Variants in TMEM38B observed in about 807,000 individuals in gnomAD.
The protein encoded by TMEM38B is trimeric intracellular cation channel type B.
A neutral mutation model predicts 28.7 loss-of-function variants in TMEM38B; 24 were observed. The ratio of observed to expected loss-of-function variants is 0.84; its 90% CI spans 0.61 to 1.18. The LOEUF (loss-of-function observed/expected upper bound fraction) is 1.18. TMEM38B is among the 50% of genes most tolerant of loss of function. The probability of loss-of-function intolerance (pLI) is 0.00; values close to 1 mark genes in which losing one functional copy is unlikely to be tolerated. For synonymous variants in TMEM38B, 131 were observed against 127.7 expected (o/e 1.03, Z -0.17); for missense variants, 380 against 350.9 (o/e 1.08, Z -0.66).
Position 105,697,030 on chromosome 9 carries a change from T to C in TMEM38B, c.112+2258T>C, listed in dbSNP as rs2900401. Among the ~76,000 whole-genome samples, 1,127 of 152,304 alleles carry C rather than the reference T, an allele frequency of 7.4e-3. 17 individuals are homozygous for C. Among genetic ancestry groups the C allele is most frequent in the African/African-American group, 0.026 (1,085 of 41,560 alleles). ...TGTAGCCAACATAAACAAAACCTTT[T>C]GGGGTTGTCAAGAAATTTAAGTCCG... On this transcript the variant is annotated intron_variant, in intron 1 of 5. Coordinates refer to ENST00000374692, the MANE Select transcript of TMEM38B (RefSeq NM_018112.3).
At chr9:105,759,692 C>G in intron 5 of TMEM38B, 1 of 1,599,084 alleles carries the variant, frequency 6.3e-7, no homozygotes. Flanking sequence ...TTTTTAGAGT[C>G]TAAGCCCAAA....
intron 1 of TMEM38B, among the ~76,000 whole-genome samples, chr9:105,703,011 A>G (rs1835512673): frequency 1.3e-5 from 2 of 152,192 alleles, no homozygotes. Flanking sequence ...TAAAGTTCAT[A>G]TGTAATTATT....
intron 5 of TMEM38B, among the ~76,000 whole-genome samples, chr9:105,769,027 A>T (rs902260966): frequency 6.6e-6 from 1 of 152,340 alleles, no homozygotes; most frequent in Admixed American, 6.5e-5. Context: ...GCCACTGTGG[A>T]CAAAGTCAAA....
chr9:105,733,425 T>TTTC (rs1836847211), intron 4 of TMEM38B, among the ~76,000 whole-genome samples: 1 of 150,420 alleles, frequency 6.6e-6, no homozygotes, highest in African/African-American at 2.5e-5. Flanking sequence ...TTTTTTCTTT[T>TTTC]TTTTTTTTTT....
chr9:105,747,336 T>A (rs1211625583), intron 4 of TMEM38B, among the ~76,000 whole-genome samples: 2 of 152,006 alleles, frequency 1.3e-5, no homozygotes, highest in African/African-American at 4.9e-5. Flanking sequence ...TTTATCCATT[T>A]CTTCTAGATT....
At chr9:105,765,725 A>G (rs1191001869) in intron 5 of TMEM38B, among the ~76,000 whole-genome samples, 1 of 152,170 alleles carries the variant, frequency 6.6e-6, no homozygotes. Flanking sequence ...TGATTATTTG[A>G]ATAAGGTTGT....
At chr9:105,739,334 G>A (rs537345031) in intron 4 of TMEM38B, among the ~76,000 whole-genome samples, 1 of 149,574 alleles carries the variant, frequency 6.7e-6, no homozygotes, top group African/African-American at 2.5e-5. Context: ...GATTGTTTTG[G>A]CCATTCAGGA....
At chr9:105,714,839 A>G (rs1836034642) in intron 2 of TMEM38B, among the ~76,000 whole-genome samples, 1 of 152,212 alleles carries the variant, frequency 6.6e-6, no homozygotes, top group Non-Finnish European at 1.5e-5. Flanking sequence ...TGGCATTTCA[A>G]GACCACAATT....
intron 4 of TMEM38B, among the ~76,000 whole-genome samples, chr9:105,728,110 T>C (rs1836588080): frequency 6.6e-6 from 1 of 152,190 alleles, no homozygotes; most frequent in African/African-American, 2.4e-5. Context: ...ATTATTATTA[T>C]ACTTTAAGTT....
chr9:105,709,084 T>C (rs761887009), intron 2 of TMEM38B, among the ~76,000 whole-genome samples: 12 of 152,018 alleles, frequency 7.9e-5, no homozygotes, highest in Non-Finnish European at 1.6e-4. Context: ...AAAAGTAAAA[T>C]TTGGTGAACA....
At chr9:105,699,658 G>A (rs868322720) in intron 1 of TMEM38B, among the ~76,000 whole-genome samples, 8 of 152,146 alleles carry the variant, frequency 5.3e-5, no homozygotes, top group Non-Finnish European at 7.4e-5. Context: ...TACTCCTCCA[G>A]CCTTCTATGT....
chr9:105,758,343 A>G lies in TMEM38B; in HGVS notation c.660+10153A>G, dbSNP rs1217905573. On this transcript the variant is annotated intron_variant, in intron 5 of 5. Transcript: ENST00000374692. ...GAGCTAGAATTCAGATCTTCCTGGTATGGCGATCTTACATGGATTCTGCTA... is the reference window on the plus strand; with the variant it reads ...GAGCTAGAATTCAGATCTTCCTGGTGTGGCGATCTTACATGGATTCTGCTA... The G allele has an allele frequency of 2.7e-5, 24 of 896,202 alleles. No individual in the cohort carries two copies. In the Admixed American group the frequency reaches 4.0e-4, roughly 15 times the overall value. The allele number at this position is 896,202 out of a possible 1,614,324, so 55.5% of individuals were successfully genotyped here.
Position 105,711,314 on chromosome 9 carries a change from G to A in TMEM38B, c.269+5561G>A, listed in dbSNP as rs151195097. ...AAATTAGCTGAGCGTGGTGGCCTGT[G>A]CCTGTAGTCCCAGCTACTTGGGAGG... On this transcript the variant is annotated intron_variant, in intron 2 of 5. Transcript: ENST00000374692. Among the ~76,000 whole-genome samples the A allele has an allele frequency of 4.9e-3, 751 of 152,144 alleles. 12 individuals are homozygous for A. Among genetic ancestry groups the A allele is most frequent in the African/African-American group, 0.017 (719 of 41,518 alleles).
chr9:105,730,246 C>G (rs1040120378), intron 4 of TMEM38B, among the ~76,000 whole-genome samples: 4 of 152,052 alleles, frequency 2.6e-5, no homozygotes, highest in Non-Finnish European at 5.9e-5. Flanking sequence ...TTTTGAGATA[C>G]GTTTCAGCAA....
intron 4 of TMEM38B, among the ~76,000 whole-genome samples, chr9:105,727,877 G>C (rs776656954): frequency 4.6e-5 from 7 of 152,076 alleles, no homozygotes; most frequent in Admixed American, 1.3e-4. Flanking sequence ...AGATCTGGTT[G>C]TTTGAAAGTC....
chr9:105,773,795 T>A, intron 5 of TMEM38B, 70 bp from the exon 6 acceptor site: 2 of 1,483,156 alleles, frequency 1.3e-6, no homozygotes, highest in Non-Finnish European at 1.8e-6. Flanking sequence ...TTTTTTTTCC[T>A]TTTGTTTCTC....
At chr9:105,721,260 G>C (rs1195200956) in intron 2 of TMEM38B, among the ~76,000 whole-genome samples, 3 of 152,162 alleles carry the variant, frequency 2.0e-5, no homozygotes, top group Non-Finnish European at 1.5e-5. Context: ...CACAAATTAA[G>C]AGCTCACTAA....
At chr9:105,771,530 T>C (rs1454453798) in intron 5 of TMEM38B, among the ~76,000 whole-genome samples, 1 of 152,178 alleles carries the variant, frequency 6.6e-6, no homozygotes, top group Admixed American at 6.5e-5. Context: ...AAAAAAGACG[T>C]TGCTGTTTTC....
chr9:105,694,549 A>AGCCGGCGCGGAGGAGCGG lies in TMEM38B; in HGVS notation c.-109_-92dup. On this transcript the variant is annotated 5_prime_UTR_variant, in exon 1 of 6. Coordinates refer to ENST00000374692, the MANE Select transcript of TMEM38B (RefSeq NM_018112.3). Reference sequence around the variant, plus strand: ...CGCCAGGGCGCACGCGCGGAGCTGGAGCCGGCGCGGAGGAGCGGGCGGCCG... The same window carrying AGCCGGCGCGGAGGAGCGG: ...CGCCAGGGCGCACGCGCGGAGCTGGAGCCGGCGCGGAGGAGCGGGCCGGCGCGGAGGAGCGGGCGGCCG... 1.5e-6 allele frequency: 1 copy of AGCCGGCGCGGAGGAGCGG among 680,416 alleles called. No individual in the cohort carries two copies. The highest frequency in any genetic ancestry group is 2.3e-6 in the Non-Finnish European group (1 of 430,994). The allele number at this position is 680,416 out of a possible 1,614,324, so 42.1% of individuals were successfully genotyped here. A position where few individuals can be genotyped will look rare whatever the true frequency, so the allele number is the denominator to read the frequency against.
Sources: allele counts gnomAD v4.1 joint callset (sites outside exome capture counted in the v4.1 genomes callset), GRCh38; gene constraint gnomAD v4.1.1; transcripts MANE v1.5; gene names NCBI Gene and HGNC (gene_info 2026-07-23, HGNC 2026-07-21).